ASTN1: variants seen among roughly 807,000 people sequenced by gnomAD.
The protein encoded by ASTN1 is astrotactin 1.
ASTN1 carries 41 observed loss-of-function variants against 140.7 expected under a neutral mutation model. The observed-to-expected ratio is 0.29, with a 90% CI of 0.23 to 0.38. The LOEUF (loss-of-function observed/expected upper bound fraction) is 0.38. ASTN1 is among the 10% of genes least tolerant of loss of function. ASTN1 has a pLI of 1.00. For missense variants in ASTN1, 1,479 were observed against 1,678.8 expected (o/e 0.88, Z 2.08); for synonymous variants, 640 against 652.2 (o/e 0.98, Z 0.29).
At chr1:176,925,503 C>T (rs562900472) in intron 16 of ASTN1, among the ~76,000 whole-genome samples, 1 of 152,230 alleles carries the variant, frequency 6.6e-6, no homozygotes, top group Admixed American at 6.5e-5. Context: ...TTTTAAGAAG[C>T]ACTGTTGGAT....
At chr1:176,888,435 T>C (rs924145650) in intron 17 of ASTN1, among the ~76,000 whole-genome samples, 2 of 152,230 alleles carry the variant, frequency 1.3e-5, no homozygotes, top group Non-Finnish European at 2.9e-5. Context: ...CAGTTCCTCC[T>C]TGTGGTAATG....
At chr1:177,060,392 G>A (rs1253999956) in intron 2 of ASTN1, among the ~76,000 whole-genome samples, 1 of 152,172 alleles carries the variant, frequency 6.6e-6, no homozygotes, top group Non-Finnish European at 1.5e-5. Context: ...AAGAGAACTT[G>A]GTAGTGGCAA....
chr1:177,119,340 TG>T (rs1223876876), intron 1 of ASTN1, among the ~76,000 whole-genome samples: 1 of 152,252 alleles, frequency 6.6e-6, no homozygotes, highest in African/African-American at 2.4e-5. Context: ...CATTTGCTAC[TG>T]AATTCACAGA....
At chr1:177,148,993 G>A (rs556559925) in intron 1 of ASTN1, among the ~76,000 whole-genome samples, 1 of 143,158 alleles carries the variant, frequency 7.0e-6, no homozygotes, top group Non-Finnish European at 1.5e-5. Flanking sequence ...AAGAGGAAGA[G>A]AAAAGTAAAT....
At chr1:176,909,273 G>T (rs1028364244) in intron 16 of ASTN1, among the ~76,000 whole-genome samples, 2 of 152,198 alleles carry the variant, frequency 1.3e-5, no homozygotes, top group Admixed American at 1.3e-4. Context: ...TAACTAGTTG[G>T]TGACAATGGG....
At chr1:177,096,298 G>A (rs755885884) in intron 1 of ASTN1, among the ~76,000 whole-genome samples, 18 of 152,040 alleles carry the variant, frequency 1.2e-4, no homozygotes, top group Non-Finnish European at 2.4e-4. Flanking sequence ...AATACTTTGG[G>A]GGCTATTGGG....
At chr1:177,022,214 CA>C (rs1675865145) in intron 7 of ASTN1, among the ~76,000 whole-genome samples, 1 of 152,106 alleles carries the variant, frequency 6.6e-6, no homozygotes, top group Non-Finnish European at 1.5e-5. Flanking sequence ...TCTACCTCAG[CA>C]CCTGAAGAAG....
rs565920996 is a variant in ASTN1, at chr1:176,861,696, G to A, written c.*2588C>T. 6.1e-6 allele frequency: 6 copies of A among 985,288 alleles called. No individual in the cohort carries two copies. The highest frequency in any genetic ancestry group is 7.2e-6 in the Non-Finnish European group (6 of 829,936). The allele number at this position is 985,288 out of a possible 1,614,324, so 61.0% of individuals were successfully genotyped here. Reference sequence around the variant, plus strand: ...ATTGTGTGTGCACACGTGTGTGTGTGTGTACATACATACACACATTCAGTG... The same window carrying A: ...ATTGTGTGTGCACACGTGTGTGTGTATGTACATACATACACACATTCAGTG... On this transcript the variant is annotated 3_prime_UTR_variant, in exon 23 of 23. Transcript: ENST00000361833.
chr1:177,076,733 G>A (rs2102067256), intron 1 of ASTN1, among the ~76,000 whole-genome samples: 1 of 152,172 alleles, frequency 6.6e-6, no homozygotes, highest in South Asian at 2.1e-4. Context: ...ATGTTGACCA[G>A]GCTGGTCTTG....
chr1:176,977,746 A>G (rs768871953), intron 8 of ASTN1, among the ~76,000 whole-genome samples: 1 of 152,220 alleles, frequency 6.6e-6, no homozygotes, highest in Non-Finnish European at 1.5e-5. Context: ...AAATTAAATA[A>G]CATAAGCCAA....
chr1:176,870,068 A>T (rs1041646052), intron 21 of ASTN1, among the ~76,000 whole-genome samples: 2 of 152,228 alleles, frequency 1.3e-5, no homozygotes, highest in Admixed American at 6.5e-5. Flanking sequence ...GATGTGGCAA[A>T]GTGGAAATGA....
At chr1:176,921,020 A>C (rs973476062) in intron 16 of ASTN1, among the ~76,000 whole-genome samples, 2 of 152,238 alleles carry the variant, frequency 1.3e-5, no homozygotes, top group African/African-American at 2.4e-5. Context: ...AAAACTGTCT[A>C]CTTATCAGTA....
Position 177,123,174 on chromosome 1 carries a change from C to A in ASTN1, c.283+41220G>T, listed in dbSNP as rs145219198. ...AGCAAGAGAGTCAGGGGAACCAGTGCATGCTGAGTAGAATGGATTCATTAT... is the reference window on the plus strand; with the variant it reads ...AGCAAGAGAGTCAGGGGAACCAGTGAATGCTGAGTAGAATGGATTCATTAT... On this transcript the variant is annotated intron_variant, in intron 1 of 22. Coordinates refer to ENST00000361833, the MANE Select transcript of ASTN1 (RefSeq NM_004319.3). 2.5e-3 allele frequency among the ~76,000 whole-genome samples: 376 copies of A among 152,284 alleles called. 1 individual carries two copies. The highest frequency in any genetic ancestry group is 8.2e-3 in the African/African-American group (342 of 41,558).
intron 2 of ASTN1, among the ~76,000 whole-genome samples, chr1:177,059,237 A>C (rs1677959231): frequency 6.6e-6 from 1 of 152,160 alleles, no homozygotes; most frequent in Non-Finnish European, 1.5e-5. Context: ...GCTGACGAGA[A>C]ATCCACCATT....
intron 8 of ASTN1, among the ~76,000 whole-genome samples, chr1:176,979,665 A>T (rs967017018): frequency 6.6e-6 from 1 of 152,116 alleles, no homozygotes; most frequent in Admixed American, 6.5e-5. Context: ...GGCAGAGTTC[A>T]AAACACAGCA....
chr1:177,023,565 C>CGGCT lies in ASTN1; in HGVS notation c.1273_1276dup (p.Arg426GlnfsTer15). 1 of 1,589,040 alleles carries CGGCT rather than the reference C, an allele frequency of 6.3e-7. No homozygotes were observed. Among genetic ancestry groups the CGGCT allele is most frequent in the Non-Finnish European group, 8.5e-7 (1 of 1,170,782 alleles). On this transcript the variant is annotated frameshift_variant, in exon 7 of 23. Transcript: ENST00000361833. LOFTEE classifies it high-confidence loss of function. ...CTGGCTCCCCTCCAGCAAGATGAAG[C>CGGCT]GGCTCCCTGCAGGGTGAGAGAAAGG...
intron 16 of ASTN1, among the ~76,000 whole-genome samples, chr1:176,895,191 A>G (rs1571471910): frequency 6.6e-6 from 1 of 152,344 alleles, no homozygotes; most frequent in South Asian, 2.1e-4. Context: ...TACGAATAGT[A>G]TCTATGTCTA....
intron 8 of ASTN1, among the ~76,000 whole-genome samples, chr1:176,969,227 G>A (rs1324950520): frequency 6.6e-6 from 1 of 152,176 alleles, no homozygotes; most frequent in Non-Finnish European, 1.5e-5. Context: ...TGAGATGCCT[G>A]TAAGCAGGGT....
intron 16 of ASTN1, among the ~76,000 whole-genome samples, chr1:176,914,798 A>G (rs908024725): frequency 6.6e-6 from 1 of 152,230 alleles, no homozygotes; most frequent in Admixed American, 6.5e-5. Context: ...CCGTGTACAG[A>G]GAATGAGGGA....
Sources: allele counts gnomAD v4.1 joint callset (sites outside exome capture counted in the v4.1 genomes callset), GRCh38; gene constraint gnomAD v4.1.1; transcripts MANE v1.5; gene names NCBI Gene and HGNC (gene_info 2026-07-23, HGNC 2026-07-21).